EIF3H: variants seen among roughly 807,000 people sequenced by gnomAD.
EIF3H encodes the protein eukaryotic translation initiation factor 3 subunit H.
Under a neutral mutation model 44.2 loss-of-function variants are expected in EIF3H, and 26 were observed. The ratio of observed to expected loss-of-function variants is 0.59; its 90% confidence interval spans 0.43 to 0.82. The LOEUF (loss-of-function observed/expected upper bound fraction) is 0.82. EIF3H is among the 40% of genes least tolerant of loss of function. The pLI, the probability that EIF3H is intolerant of heterozygous loss-of-function variation, is 0.00. For missense variants in EIF3H, 359 were observed against 432.8 expected, an observed-to-expected ratio of 0.83 and a Z score of 1.51; for synonymous variants, 166 against 151.9, an observed-to-expected ratio of 1.09 and a Z score of -0.68.
chr8:116,717,091 ATATCC>A (rs1253219931), intron 2 of EIF3H, among the ~76,000 whole-genome samples: 2 of 152,096 alleles, frequency 1.3e-5, no homozygotes, highest in Non-Finnish European at 2.9e-5. Flanking sequence ...ATTCTAATAT[ATATCC>A]ATATAACAGA....
chr8:116,750,190 T>A (rs983427405), intron 1 of EIF3H, among the ~76,000 whole-genome samples: 1 of 152,282 alleles, frequency 6.6e-6, no homozygotes, highest in Non-Finnish European at 1.5e-5. Context: ...GTTAAATGAA[T>A]GAAGAACAGA....
At chr8:116,657,367 T>C in intron 3 of EIF3H, 53 bp from the exon 4 acceptor site, 1 of 1,321,006 alleles carries the variant, frequency 7.6e-7, no homozygotes, top group South Asian at 1.2e-5. Flanking sequence ...CTGCCAGGCT[T>C]GAATGGCATT....
At position 116,656,688 on chromosome 8, in the gene EIF3H, TATTTA is replaced by T. The variant is rs559110712; in HGVS notation, c.557+522_557+526del. ...TAACAGAAAATGGAAGAATTCTAAG[TATTTA>T]ATTTATTTAAAGTAAATATTACAAT... On this transcript the variant is annotated intron_variant, in intron 4 of 7. Transcript: ENST00000521861. 2.2e-3 allele frequency among the ~76,000 whole-genome samples: 334 copies of T among 152,330 alleles called. 3 individuals carry two copies. The highest frequency in any genetic ancestry group is 7.7e-3 in the African/African-American group (321 of 41,588).
Position 116,645,133 on chromosome 8 carries a change from A to G in EIF3H, c.962-30T>C, listed in dbSNP as rs555903465. 2.7e-5 allele frequency: 42 copies of G among 1,528,326 alleles called. No individual in the cohort carries two copies. The Admixed American group carries it at 7.1e-4, about 26-fold the overall frequency. 94.7% of individuals were successfully genotyped at this position (1,528,326 alleles called of 1,614,324 possible). A position where few individuals can be genotyped will look rare whatever the true frequency, so the allele number is the denominator to read the frequency against. On this transcript the variant is annotated intron_variant, in intron 7 of 7. Coordinates refer to ENST00000521861, the MANE Select transcript of EIF3H (RefSeq NM_003756.3). ...GCATTTGAGAAAGAGATAGAGCCAT[A>G]ATGTTCCACAAATTGTAAAATGATC...
chr8:116,671,090 A>T (rs1463898115), intron 2 of EIF3H, among the ~76,000 whole-genome samples: 2 of 152,248 alleles, frequency 1.3e-5, no homozygotes, highest in Non-Finnish European at 2.9e-5. Flanking sequence ...AATAGAATTA[A>T]CTTCTATGGG....
At chr8:116,748,199 A>C (rs1815271256) in intron 1 of EIF3H, among the ~76,000 whole-genome samples, 1 of 152,180 alleles carries the variant, frequency 6.6e-6, no homozygotes, top group Non-Finnish European at 1.5e-5. Context: ...AATAAAAAAC[A>C]AAGTACTTCC....
intron 5 of EIF3H, 80 bp from the exon 6 acceptor site, chr8:116,649,006 G>T: frequency 8.0e-7 from 1 of 1,254,020 alleles, no homozygotes; most frequent in Non-Finnish European, 1.1e-6. Flanking sequence ...TTTAAGATAT[G>T]AACTTGAACT....
At position 116,687,259 on chromosome 8, in the gene EIF3H, G is replaced by A. The variant is rs140154976; in HGVS notation, c.290-28279C>T. On this transcript the variant is annotated intron_variant, in intron 2 of 7. Transcript: ENST00000521861. ...CTTTAAAAGGGGCTCATGGAAAAGT[G>A]CATCAACAAGAAAACATCAAAATTC... is the stretch of plus-strand genomic sequence containing the variant. Among the ~76,000 whole-genome samples, 214 of 152,256 alleles carry A rather than the reference G, an allele frequency of 1.4e-3. 1 individual carries two copies. The highest frequency in any genetic ancestry group is 6.8e-3 in the Middle Eastern group (2 of 294).
At chr8:116,686,948 A>G (rs1044552924) in intron 2 of EIF3H, among the ~76,000 whole-genome samples, 23 of 152,194 alleles carry the variant, frequency 1.5e-4, no homozygotes, top group African/African-American at 5.3e-4. Flanking sequence ...GGCAGGCCTG[A>G]GCCATTATCT....
intron 1 of EIF3H, among the ~76,000 whole-genome samples, chr8:116,748,871 A>T (rs1815283580): frequency 6.6e-6 from 1 of 152,232 alleles, no homozygotes; most frequent in Non-Finnish European, 1.5e-5. Flanking sequence ...AATACAATGT[A>T]AATGCTATGT....
At chr8:116,651,810 G>T in intron 5 of EIF3H, among the ~76,000 whole-genome samples, 1 of 152,126 alleles carries the variant, frequency 6.6e-6, no homozygotes, top group African/African-American at 2.4e-5. Flanking sequence ...GGCAGACAAC[G>T]GTCAAAGTGC....
chr8:116,698,235 A>G (rs1814303914), intron 2 of EIF3H, among the ~76,000 whole-genome samples: 1 of 152,152 alleles, frequency 6.6e-6, no homozygotes, highest in African/African-American at 2.4e-5. Flanking sequence ...ATGTAAAATA[A>G]ATTTCACAAG....
At chr8:116,740,023 C>G (rs901004411) in intron 1 of EIF3H, among the ~76,000 whole-genome samples, 4 of 152,168 alleles carry the variant, frequency 2.6e-5, no homozygotes, top group Non-Finnish European at 4.4e-5. Context: ...AGGGATATCA[C>G]TTGGATATCA....
chr8:116,713,802 G>T (rs1030389394), intron 2 of EIF3H, among the ~76,000 whole-genome samples: 3 of 152,026 alleles, frequency 2.0e-5, no homozygotes, highest in Non-Finnish European at 4.4e-5. Context: ...CACTAAATGT[G>T]AACAGTTTTA....
chr8:116,674,713 C>T (rs893514672), intron 2 of EIF3H, among the ~76,000 whole-genome samples: 50 of 152,054 alleles, frequency 3.3e-4, no homozygotes, highest in African/African-American at 1.1e-3. Flanking sequence ...ATCCAACAGT[C>T]ATTTTGTAAA....
chr8:116,709,766 T>G (rs1814542583), intron 2 of EIF3H, among the ~76,000 whole-genome samples: 1 of 152,196 alleles, frequency 6.6e-6, no homozygotes, highest in Non-Finnish European at 1.5e-5. Context: ...CTAGGATTAT[T>G]AAATCTACCT....
At position 116,726,755 on chromosome 8, in the gene EIF3H, T is replaced by G. The variant is rs182342885; in HGVS notation, c.133-583A>C. Among the ~76,000 whole-genome samples, 161 of 152,304 alleles carry G rather than the reference T, an allele frequency of 1.1e-3. 1 individual carries two copies. The highest frequency in any genetic ancestry group is 1.8e-3 in the Non-Finnish European group (120 of 68,018). On this transcript the variant is annotated intron_variant, in intron 1 of 7. Transcript: ENST00000521861. Reference sequence around the variant, plus strand: ...TCTAGTTTTCCTCAACCAGAAGGATTCACTAAGCAACCTCTAATGGAATAA... The same window carrying G: ...TCTAGTTTTCCTCAACCAGAAGGATGCACTAAGCAACCTCTAATGGAATAA...
At chr8:116,737,873 A>G (rs1268066416) in intron 1 of EIF3H, among the ~76,000 whole-genome samples, 1 of 151,636 alleles carries the variant, frequency 6.6e-6, no homozygotes, top group Non-Finnish European at 1.5e-5. Context: ...CATCTCTACT[A>G]ACATACAAAA....
chr8:116,703,631 G>A (rs545661550), intron 2 of EIF3H, among the ~76,000 whole-genome samples: 3 of 152,078 alleles, frequency 2.0e-5, no homozygotes, highest in Admixed American at 6.6e-5. Flanking sequence ...TCTCCGCCTC[G>A]GCTACCAAAC....
Sources: gnomAD v4.1 joint callset for allele counts (sites outside exome capture counted in the v4.1 genomes callset) on GRCh38, gnomAD v4.1.1 for gene constraint, MANE v1.5 for transcripts, NCBI Gene and HGNC (gene_info 2026-07-23, HGNC 2026-07-21) for gene names.